The following EED variants were observed in gnomAD, a reference collection of about 807,000 sequenced individuals.
EED encodes the protein polycomb protein EED.
EED carries 9 observed loss-of-function variants against 61.0 expected under a neutral mutation model. The observed-to-expected ratio is 0.15, with a 90% confidence interval of 0.09 to 0.26. The LOEUF is 0.26. Ranked by LOEUF, EED falls within the 10% of genes least tolerant of loss-of-function variation. The pLI is 1.00. For synonymous variants in EED, 187 were observed against 174.4 expected (o/e 1.07, Z -0.57); for missense variants, 315 against 542.3 (o/e 0.58, Z 4.16).
chr11:86,283,852 A>AG, the EED span: 3 of 89,206 alleles, frequency 3.4e-5, no homozygotes, highest in East Asian at 5.7e-4. Context: ...TTGGAGATCC[A>AG]GAAAAAAAAA....
chr11:86,253,724 G>A (rs1007134703), intron 3 of EED, among the ~76,000 whole-genome samples: 3 of 152,016 alleles, frequency 2.0e-5, no homozygotes, highest in South Asian at 4.1e-4. Context: ...ATAATAATAG[G>A]TTTTTGCTAA....
chr11:86,247,018 T>G (rs1366604587), intron 1 of EED, among the ~76,000 whole-genome samples: 1 of 152,240 alleles, frequency 6.6e-6, no homozygotes, highest in African/African-American at 2.4e-5. Flanking sequence ...TATGATTACA[T>G]AGAATAATGT....
At chr11:86,269,951 A>G in intron 9 of EED, 1 of 557,602 alleles carries the variant, frequency 1.8e-6, no homozygotes, top group Non-Finnish European at 3.2e-6. Context: ...TAAAGCTGCT[A>G]ATCAGCAGTT....
At chr11:86,266,367 C>G in intron 8 of EED, 151 bp downstream of exon 8, 2 of 605,228 alleles carry the variant, frequency 3.3e-6, no homozygotes, top group Non-Finnish European at 5.1e-6. Flanking sequence ...TAAAATTCAC[C>G]CCTTTAAGAA....
At chr11:86,280,848 A>G (rs1385594188), downstream of EED, among the ~76,000 whole-genome samples, 1 of 152,182 alleles carries the variant, frequency 6.6e-6, no homozygotes, top group African/African-American at 2.4e-5. Context: ...CATTCCTTCT[A>G]TACCTATTTT....
At chr11:86,282,420 T>C (rs936018168), downstream of EED, among the ~76,000 whole-genome samples, 2 of 152,202 alleles carry the variant, frequency 1.3e-5, no homozygotes, top group African/African-American at 4.8e-5. Flanking sequence ...TTGCATATCT[T>C]TTAATACATT....
At chr11:86,284,883 G>A in the EED span, among the ~76,000 whole-genome samples, 1 of 151,490 alleles carries the variant, frequency 6.6e-6, no homozygotes, top group Non-Finnish European at 1.5e-5. Context: ...AGGCTGAGGT[G>A]GGCGGATCAT....
At chr11:86,261,926 C>T (rs1465570836) in intron 6 of EED, among the ~76,000 whole-genome samples, 1 of 152,178 alleles carries the variant, frequency 6.6e-6, no homozygotes, top group Non-Finnish European at 1.5e-5. Flanking sequence ...CTCTGAAATG[C>T]CTTTGTGGTC....
At chr11:86,256,282 A>C (rs1593733659) in intron 4 of EED, 105 bp from the exon 5 acceptor site, 2 of 1,116,408 alleles carry the variant, frequency 1.8e-6, no homozygotes, top group South Asian at 2.3e-5. Context: ...AAAATTGAGA[A>C]CTTTGGTGTC....
chr11:86,283,221 A>C (rs1946342837), downstream of EED, among the ~76,000 whole-genome samples: 1 of 152,208 alleles, frequency 6.6e-6, no homozygotes, highest in African/African-American at 2.4e-5. Flanking sequence ...ATCAAAGATC[A>C]CCAGATTGAC....
intron 5 of EED, 91 bp from the exon 6 acceptor site, chr11:86,257,424 G>T: frequency 1.2e-6 from 1 of 868,402 alleles, no homozygotes; most frequent in Non-Finnish European, 1.6e-6. Flanking sequence ...ACTACTTTAA[G>T]TGAAACTATT....
chr11:86,287,333 G>A, the EED span, among the ~76,000 whole-genome samples: 1 of 152,258 alleles, frequency 6.6e-6, no homozygotes, highest in East Asian at 1.9e-4. Context: ...GCTTTCAGTG[G>A]TTACCTCTGG....
chr11:86,254,815 G>A (rs1323564789), intron 3 of EED, among the ~76,000 whole-genome samples: 1 of 152,018 alleles, frequency 6.6e-6, no homozygotes, highest in Admixed American at 6.6e-5. Context: ...TAGAGACAGG[G>A]TTTCACCATA....
downstream of EED, among the ~76,000 whole-genome samples, chr11:86,280,362 C>A (rs766219991): frequency 2.0e-5 from 3 of 152,154 alleles, no homozygotes; most frequent in Non-Finnish European, 2.9e-5. Flanking sequence ...TCAGAACTCA[C>A]AGGCCAGTTA....
intron 6 of EED, among the ~76,000 whole-genome samples, chr11:86,261,822 A>G (rs1258138965): frequency 6.6e-6 from 1 of 152,172 alleles, no homozygotes; most frequent in Non-Finnish European, 1.5e-5. Context: ...AGGGGGAGCA[A>G]AGTGCTGAAG....
intron 2 of EED, 50 bp from the exon 3 acceptor site, chr11:86,252,098 C>G (rs371008841): frequency 1.4e-6 from 2 of 1,474,600 alleles, no homozygotes; most frequent in South Asian, 2.4e-5. Context: ...CTGTCATTTT[C>G]TGGTTTGTAA....
chr11:86,278,317 T>G (rs1946278421), intron 11 of EED, 82 bp from the exon 12 acceptor site: 1 of 1,525,714 alleles, frequency 6.6e-7, no homozygotes, highest in African/African-American at 1.4e-5. Flanking sequence ...GAACATCTGC[T>G]TATTTTCTAA....
intron 6 of EED, among the ~76,000 whole-genome samples, chr11:86,258,257 C>T (rs1945727324): frequency 6.6e-6 from 1 of 152,136 alleles, no homozygotes; most frequent in African/African-American, 2.4e-5. Flanking sequence ...ATAATAAATA[C>T]TACATATGAA....
chr11:86,263,065 C>CA (rs1945877185), intron 6 of EED, among the ~76,000 whole-genome samples: 2 of 152,146 alleles, frequency 1.3e-5, no homozygotes, highest in African/African-American at 2.4e-5. Context: ...GCCTCAATCT[C>CA]AAAGTGCTGG....
Sources: allele counts gnomAD v4.1 joint callset (sites outside exome capture counted in the v4.1 genomes callset), GRCh38; gene constraint gnomAD v4.1.1; transcripts MANE v1.5; gene names NCBI Gene and HGNC (gene_info 2026-07-23, HGNC 2026-07-21).